PDSS1: variants seen among roughly 807,000 people sequenced by gnomAD.
PDSS1 encodes decaprenyl diphosphate synthase subunit 1.
Under a neutral mutation model 57.5 loss-of-function variants are expected in PDSS1, and 43 were observed. That is an observed-to-expected ratio of 0.75 (90% CI 0.59 to 0.96). The LOEUF is 0.96. PDSS1 is among the 50% of genes least tolerant of loss of function. The pLI is 0.00. For missense variants in PDSS1, 438 were observed against 527.8 expected (o/e 0.83, Z 1.67); for synonymous variants, 175 against 191.3 (o/e 0.91, Z 0.70).
intron 8 of PDSS1, among the ~76,000 whole-genome samples, chr10:26,734,261 C>T (rs148821830): frequency 9.5e-4 from 145 of 152,334 alleles, no homozygotes; most frequent in African/African-American, 3.4e-3. Context: ...GAGGCACGAC[C>T]GAAGGTCAGG....
At chr10:26,745,574 C>T (rs138946097) in intron 11 of PDSS1, among the ~76,000 whole-genome samples, 2,081 of 152,140 alleles carry the variant, frequency 0.014, 42 homozygotes, top group African/African-American at 0.048. Context: ...AGGCTGGGCA[C>T]GGTGGCTCAC....
intron 10 of PDSS1, among the ~76,000 whole-genome samples, chr10:26,737,203 A>G (rs751335579): frequency 1.3e-5 from 2 of 152,184 alleles, no homozygotes; most frequent in African/African-American, 2.4e-5. Flanking sequence ...ATTGTTAAGT[A>G]CTTGTTATGA....
At position 26,718,508 on chromosome 10, in the gene PDSS1, C is replaced by T. The variant is rs372034843; in HGVS notation, c.468-1710C>T. On this transcript the variant is annotated intron_variant, in intron 5 of 11. Transcript: ENST00000376215. ...AGGCGTGGTGGCTCACACCTGTAATCCCAGCACTTTGGGAAGCTGAGGTGG... is the reference window on the plus strand; with the variant it reads ...AGGCGTGGTGGCTCACACCTGTAATTCCAGCACTTTGGGAAGCTGAGGTGG... 9.9e-5 allele frequency among the ~76,000 whole-genome samples: 15 copies of T among 152,180 alleles called. No individual in the cohort carries two copies. The East Asian group carries it at 1.9e-3, about 20-fold the overall frequency.
At chr10:26,743,318 G>A (rs1420765220) in intron 11 of PDSS1, among the ~76,000 whole-genome samples, 1 of 152,126 alleles carries the variant, frequency 6.6e-6, no homozygotes, top group Non-Finnish European at 1.5e-5. Flanking sequence ...TGGATGAGTC[G>A]GAGTGAGCAA....
At chr10:26,714,446 G>T (rs1835496129) in intron 5 of PDSS1, among the ~76,000 whole-genome samples, 1 of 145,954 alleles carries the variant, frequency 6.9e-6, no homozygotes, top group Non-Finnish European at 1.5e-5. Context: ...CTGCACTCCA[G>T]CCTAGGGGAG....
Position 26,742,569 on chromosome 10 carries a change from G to A in PDSS1, c.1099G>A (p.Val367Ile), listed in dbSNP as rs752338178. Residue 367 changes from valine to isoleucine, a missense_variant, in exon 11 of 12, where the codon GTA (valine) becomes ATA (isoleucine). This residue lies in a region of PDSS1 where 284 missense variants were observed against 390.7 expected (regional missense o/e 0.73). Transcript: ENST00000376215. Reference protein sequence around the residue: ...PGDVDRARQYVLQSDGVQQTT... With the variant: ...PGDVDRARQYILQSDGVQQTT... ...AGATGTAGACAGAGCTCGACAGTAT[G>A]TACTACAGGTAAGACTGTTTTTTTA... The A allele has an allele frequency of 1.4e-5, 23 of 1,597,450 alleles. No individual in the cohort carries two copies. The highest frequency in any genetic ancestry group is 1.9e-5 in the Non-Finnish European group (22 of 1,165,586).
rs370623507 is a variant in PDSS1, at chr10:26,720,402, C to T, written c.609+43C>T. 8 of 1,337,880 alleles carry T rather than the reference C, an allele frequency of 6.0e-6. No individual in the cohort carries two copies. In the East Asian group the frequency reaches 1.6e-4, roughly 27 times the overall value. 82.9% of individuals were successfully genotyped at this position (1,337,880 alleles called of 1,614,324 possible). On this transcript the variant is annotated intron_variant, in intron 6 of 11. Coordinates refer to ENST00000376215, the MANE Select transcript of PDSS1 (RefSeq NM_014317.5). ...TTTTAAAATCTCTCTTACTGAATCACACACTTTTCGGACCGCATTTGTTTC... is the reference window on the plus strand; with the variant it reads ...TTTTAAAATCTCTCTTACTGAATCATACACTTTTCGGACCGCATTTGTTTC...
chr10:26,705,232 A>T, intron 3 of PDSS1, 54 bp from the exon 4 acceptor site: 1 of 927,042 alleles, frequency 1.1e-6, no homozygotes, highest in Non-Finnish European at 1.8e-6. Flanking sequence ...CTAAATATAT[A>T]TGTATATAAA....
intron 8 of PDSS1, among the ~76,000 whole-genome samples, chr10:26,728,774 CTTTTTTTT>C (rs33930147): frequency 7.1e-5 from 6 of 84,572 alleles, no homozygotes; most frequent in African/African-American, 1.9e-4. Flanking sequence ...TATTCTGTAT[CTTTTTTTT>C]TTTTTTTTTT....
chr10:26,707,878 C>T (rs905982207), intron 4 of PDSS1, among the ~76,000 whole-genome samples: 2 of 152,206 alleles, frequency 1.3e-5, no homozygotes, highest in Non-Finnish European at 2.9e-5. Flanking sequence ...TTTCCTGTTC[C>T]TTGGGAACCT....
intron 6 of PDSS1, 27 bp downstream of exon 6, chr10:26,720,386 C>T (rs1269801227): frequency 2.1e-6 from 3 of 1,455,294 alleles, no homozygotes; most frequent in Non-Finnish European, 2.9e-6. Context: ...TTTTTAAAAT[C>T]TCTCTTACTG....
At chr10:26,698,498 C>T (rs926659821) in intron 1 of PDSS1, among the ~76,000 whole-genome samples, 1 of 152,174 alleles carries the variant, frequency 6.6e-6, no homozygotes, top group Non-Finnish European at 1.5e-5. Context: ...ATAGCCCATT[C>T]TTTCAGGGTC....
At chr10:26,720,598 A>G (rs1287716734) in intron 6 of PDSS1, among the ~76,000 whole-genome samples, 1 of 152,240 alleles carries the variant, frequency 6.6e-6, no homozygotes, top group African/African-American at 2.4e-5. Context: ...TTATAAGGAA[A>G]GGGATTTTCA....
chr10:26,698,259 TCAGAGCTCTCTC>T (rs1834936759), intron 1 of PDSS1, among the ~76,000 whole-genome samples: 1 of 152,154 alleles, frequency 6.6e-6, no homozygotes, highest in Non-Finnish European at 1.5e-5. Flanking sequence ...GCCAAAGTGC[TCAGAGCTCTCTC>T]CGAGAAACGG....
chr10:26,740,202 G>A (rs531449692), intron 10 of PDSS1, among the ~76,000 whole-genome samples: 2 of 151,646 alleles, frequency 1.3e-5, no homozygotes, highest in African/African-American at 2.4e-5. Context: ...CCAGCTACTC[G>A]GGAGGCTGAG....
intron 8 of PDSS1, among the ~76,000 whole-genome samples, chr10:26,733,053 A>ACTCTAG (rs2132294961): frequency 6.6e-6 from 1 of 152,246 alleles, no homozygotes; most frequent in African/African-American, 2.4e-5. Context: ...GTGCCGCTGC[A>ACTCTAG]CTCTAGCCTG....
intron 10 of PDSS1, among the ~76,000 whole-genome samples, chr10:26,737,452 T>A (rs1836442362): frequency 1.3e-5 from 2 of 152,086 alleles, no homozygotes; most frequent in Non-Finnish European, 2.9e-5. Flanking sequence ...TGAAAAATGC[T>A]GGTTAGGCGG....
intron 1 of PDSS1, among the ~76,000 whole-genome samples, chr10:26,699,569 A>G (rs920065164): frequency 6.6e-6 from 1 of 151,746 alleles, no homozygotes; most frequent in South Asian, 2.1e-4. Context: ...TAATTTTTGT[A>G]TTTTTAGTAG....
intron 8 of PDSS1, chr10:26,734,761 G>A (rs1199971453): frequency 4.4e-6 from 2 of 456,336 alleles, no homozygotes; most frequent in African/African-American, 2.0e-5. Flanking sequence ...AAGGACTACA[G>A]ATGGGAAAAT....
Sources: gnomAD v4.1 joint callset for allele counts (sites outside exome capture counted in the v4.1 genomes callset) on GRCh38, gnomAD v4.1.1 for gene constraint, gnomAD v4.1.1 regional missense constraint, MANE v1.5 for transcripts, NCBI Gene and HGNC (gene_info 2026-07-23, HGNC 2026-07-21) for gene names.